Variants in TUB observed in about 807,000 individuals in gnomAD.
TUB encodes the protein tubby protein homolog.
A neutral mutation model predicts 59.7 loss-of-function variants in TUB; 33 were observed. The observed-to-expected ratio is 0.55, with a 90% CI of 0.42 to 0.74. The LOEUF (loss-of-function observed/expected upper bound fraction) is 0.74. Among genes scored for constraint, TUB ranks in the 30% least tolerant of loss-of-function variants. The pLI is 0.00. For synonymous variants in TUB, 293 were observed against 256.4 expected (o/e 1.14, Z -1.36); for missense variants, 659 against 672.0 (o/e 0.98, Z 0.21).
chr11:8,090,087 A>C lies in TUB; in HGVS notation c.109A>C (p.Lys37Gln). 6.2e-7 allele frequency: 1 copy of C among 1,610,282 alleles called. No individual in the cohort carries two copies. The highest frequency in any genetic ancestry group is 2.2e-5 in the East Asian group (1 of 44,734). The stretch of plus-strand genomic sequence containing the variant: ...TCCATAGCGGGCCCTGCTGGAGCAG[A>C]AGCAGAAGAAGAAGCGCCAGGAGCC... ...LDRQRALLEQ[K>Q]QKKKRQEPLM... The change falls in exon 3 of 12, where the codon AAG becomes CAG. Residue 37 changes from lysine to glutamine, a missense_variant. By Grantham distance (53) the Lys-to-Gln change is moderately conservative (BLOSUM62 1). Transcript: ENST00000299506.
At chr11:8,055,688 G>A (rs1943008853) in intron 2 of TUB, among the ~76,000 whole-genome samples, 1 of 152,256 alleles carries the variant, frequency 6.6e-6, no homozygotes, top group South Asian at 2.1e-4. Context: ...GATGACTGGG[G>A]GACAGGATAG....
chr11:8,060,991 C>T (rs528062750), intron 2 of TUB, among the ~76,000 whole-genome samples: 2 of 152,176 alleles, frequency 1.3e-5, no homozygotes, highest in Non-Finnish European at 2.9e-5. Context: ...GGATGCCGCT[C>T]AGTTTGCCCC....
At chr11:8,060,195 C>G (rs1422749398) in intron 2 of TUB, 1 of 152,450 alleles carries the variant, frequency 6.6e-6, no homozygotes, top group South Asian at 2.1e-4. Flanking sequence ...GGTGGGAAAG[C>G]CAAGAGAGTG....
intron 1 of TUB, among the ~76,000 whole-genome samples, chr11:8,032,023 G>A (rs1942579706): frequency 6.6e-6 from 1 of 152,240 alleles, no homozygotes; most frequent in Non-Finnish European, 1.5e-5. Context: ...AGGGGCAGCA[G>A]CTGGACAGAG....
intron 2 of TUB, among the ~76,000 whole-genome samples, chr11:8,047,417 C>T (rs553366384): frequency 1.3e-5 from 2 of 152,284 alleles, no homozygotes; most frequent in East Asian, 1.9e-4. Flanking sequence ...AGGGTAAGAA[C>T]GTATCTTGCT....
At chr11:8,050,473 C>T (rs1324212678) in intron 2 of TUB, among the ~76,000 whole-genome samples, 1 of 152,228 alleles carries the variant, frequency 6.6e-6, no homozygotes, top group Non-Finnish European at 1.5e-5. Flanking sequence ...TCTCCACCAA[C>T]ACTTGGTCTT....
chr11:8,041,859 G>A (rs1942756331), intron 2 of TUB, among the ~76,000 whole-genome samples: 1 of 152,124 alleles, frequency 6.6e-6, no homozygotes, highest in African/African-American at 2.4e-5. Flanking sequence ...TTCGTGAATT[G>A]ACATTGGTCC....
intron 1 of TUB, among the ~76,000 whole-genome samples, chr11:8,033,225 C>T (rs761350129): frequency 1.1e-4 from 16 of 152,188 alleles, no homozygotes; most frequent in Non-Finnish European, 1.9e-4. Flanking sequence ...GAACAAAAGC[C>T]GTTTCCTTGG....
At chr11:8,051,677 C>A (rs1356825530) in intron 2 of TUB, among the ~76,000 whole-genome samples, 2 of 152,186 alleles carry the variant, frequency 1.3e-5, no homozygotes, top group African/African-American at 4.8e-5. Context: ...GTGTCTCTTG[C>A]CATATAGAAG....
Position 8,101,856 on chromosome 11 carries a change from G to GATACGGCGTC in TUB, c.*237_*238insATACGGCGTC. ...AAGGGATGAGAATAATTCTTTCCAT[G>GATACGGCGTC]CCACGAGATCAACACACACTCCCAC... is the stretch of plus-strand genomic sequence containing the variant. On this transcript the variant is annotated 3_prime_UTR_variant, in exon 12 of 12. Coordinates refer to ENST00000299506, the MANE Select transcript of TUB (RefSeq NM_177972.3). 6 of 482,860 alleles carry GATACGGCGTC rather than the reference G, an allele frequency of 1.2e-5. No homozygotes were observed. Among genetic ancestry groups the GATACGGCGTC allele is most frequent in the South Asian group, 1.1e-4 (3 of 26,830 alleles). 29.9% of individuals were successfully genotyped at this position (482,860 alleles called of 1,614,324 possible). A position where few individuals can be genotyped will look rare whatever the true frequency, so the allele number is the denominator to read the frequency against.
intron 2 of TUB, among the ~76,000 whole-genome samples, chr11:8,053,285 G>C (rs60339726): frequency 0.01 from 1,571 of 152,162 alleles, 21 homozygotes; most frequent in African/African-American, 0.033. Context: ...TTCTAGGTTT[G>C]ATTTGTTAAT....
chr11:8,089,707 A>G (rs1033558557), intron 2 of TUB, 46 bp downstream of exon 2: 25 of 1,611,280 alleles, frequency 1.6e-5, no homozygotes, highest in Non-Finnish European at 2.1e-5. Context: ...CTGGGCTGGG[A>G]TCTCTGAGGG....
chr11:8,035,780 C>T (rs1942636409), upstream of TUB: 1 of 152,316 alleles, frequency 6.6e-6, no homozygotes, highest in Admixed American at 6.5e-5. Flanking sequence ...TGATCCAAAA[C>T]GTCACTGGAC....
intron 1 of TUB, among the ~76,000 whole-genome samples, chr11:8,083,412 G>A (rs1199428443): frequency 6.6e-6 from 1 of 152,228 alleles, no homozygotes; most frequent in African/African-American, 2.4e-5. Context: ...AAAGCCACTT[G>A]TAGAGAGTGT....
rs1564937217 is a variant in TUB, at chr11:8,106,109, C to CAAATGTATTTATTTATTG, written c.*4491_*4508dup. 6.6e-6 allele frequency: 1 copy of CAAATGTATTTATTTATTG among 151,684 alleles called. No homozygotes were observed. The highest frequency in any genetic ancestry group is 2.4e-5 in the African/African-American group (1 of 41,396). 9.4% of individuals were successfully genotyped at this position (151,684 alleles called of 1,614,324 possible). ...TTGAATAAACTTTGGTATTCTGGAG[C>CAAATGTATTTATTTATTG]AAATGTATTTATTTATTGGTATGTG... On this transcript the variant is annotated 3_prime_UTR_variant, in exon 12 of 12. Transcript: ENST00000299506.
At position 8,105,173 on chromosome 11, in the gene TUB, T is replaced by TAACACTGGCCTTCCCTTCTCTAATTC. The variant is rs1944498317; in HGVS notation, c.*3555_*3580dup. 1 of 152,236 alleles carries TAACACTGGCCTTCCCTTCTCTAATTC rather than the reference T, an allele frequency of 6.6e-6. No homozygotes were observed. The highest frequency in any genetic ancestry group is 2.4e-5 in the African/African-American group (1 of 41,454). 9.4% of individuals were successfully genotyped at this position (152,236 alleles called of 1,614,324 possible). On this transcript the variant is annotated 3_prime_UTR_variant, in exon 12 of 12. Transcript: ENST00000299506. ...ACTTCCTGGTTTTCTCTTACTGCAGTAACACTGGCCTTCCCTTCTCTAATT... is the reference window on the plus strand; with the variant it reads ...ACTTCCTGGTTTTCTCTTACTGCAGTAACACTGGCCTTCCCTTCTCTAATTCAACACTGGCCTTCCCTTCTCTAATT...
At chr11:8,038,793 G>C in exon 1 of TUB, 1 of 1,550,588 alleles carries the variant, frequency 6.4e-7, no homozygotes, top group Non-Finnish European at 8.7e-7. Flanking sequence ...GGCGAATACA[G>C]GGAATTTCAA....
exon 1 of TUB, chr11:8,038,804 CA>C (rs1942690223): frequency 1.3e-6 from 2 of 1,557,348 alleles, no homozygotes; most frequent in Admixed American, 4.0e-5. Flanking sequence ...GGAATTTCAA[CA>C]GGCTCCAGGT....
At chr11:8,100,394 G>C (rs563802900) in intron 9 of TUB, 109 bp from the exon 10 acceptor site, 1 of 836,578 alleles carries the variant, frequency 1.2e-6, no homozygotes, top group Non-Finnish European at 2.0e-6. Flanking sequence ...GTTAGACTTC[G>C]GAGTGGAGAT....
Sources: allele counts gnomAD v4.1 joint callset (sites outside exome capture counted in the v4.1 genomes callset), GRCh38; gene constraint gnomAD v4.1.1; transcripts MANE v1.5; gene names NCBI Gene and HGNC (gene_info 2026-07-23, HGNC 2026-07-21).